Variants in ASB9 observed in about 807,000 individuals in gnomAD.
ASB9 encodes the protein ankyrin repeat and SOCS box protein 9.
Under a neutral mutation model 16.6 loss-of-function variants are expected in ASB9, and 5 were observed. The ratio of observed to expected loss-of-function variants is 0.30; its 90% confidence interval spans 0.16 to 0.63. The LOEUF is 0.63. Among genes scored for constraint, ASB9 ranks in the 30% least tolerant of loss-of-function variants. ASB9 has a pLI of 0.82. For missense variants in ASB9, 216 were observed against 229.4 expected, an observed-to-expected ratio of 0.94 and a Z score of 0.38; for synonymous variants, 100 against 86.4, an observed-to-expected ratio of 1.16 and a Z score of -0.87.
chrX:15,256,844 T>C (rs1925613115), intron 2 of ASB9, among the ~76,000 whole-genome samples: 1 of 108,481 alleles, frequency 9.2e-6, no homozygotes. Context: ...AAAGAATATG[T>C]CATTTCTTAC....
intron 6 of ASB9, among the ~76,000 whole-genome samples, chrX:15,247,445 A>C (rs1158459740): frequency 8.9e-6 from 1 of 111,931 alleles, no homozygotes; most frequent in Non-Finnish European, 1.9e-5. Flanking sequence ...TGTTTGATGG[A>C]GGAGGGGACA....
chrX:15,259,447 A>G (rs760382303), intron 1 of ASB9, among the ~76,000 whole-genome samples: 2 of 112,960 alleles, frequency 1.8e-5, no homozygotes, highest in South Asian at 7.2e-4. Context: ...ATCTATTTAT[A>G]GATTATCTCC....
chrX:15,269,462 C>T (rs1444423190), intron 1 of ASB9, among the ~76,000 whole-genome samples: 1 of 112,087 alleles, frequency 8.9e-6, no homozygotes, highest in Non-Finnish European at 1.9e-5. Context: ...TAAAAATTTT[C>T]CTATTTATAA....
chrX:15,248,646 T>C, intron 6 of ASB9, 98 bp downstream of exon 6: 1 of 1,118,476 alleles, frequency 8.9e-7, no homozygotes, highest in Non-Finnish European at 1.2e-6. Flanking sequence ...AATGATCTTT[T>C]TATAGGAATG....
In ASB9 at chrX:15,248,778, CTCTGG is replaced by C; in HGVS notation, c.721_725del (p.Pro241GlufsTer23). ...CCAAGAAGAGCTGGGCCAAGGGGCT[CTCTGG>C]AGGCACCAGCTCCACAGGACGTTTG... On this transcript the variant is annotated frameshift_variant, in exon 6 of 7. Coordinates refer to ENST00000380488, the MANE Select transcript of ASB9 (RefSeq NM_001031739.3). LOFTEE classifies it low-confidence loss of function (END_TRUNC). The C allele has an allele frequency of 8.3e-7, 1 of 1,211,281 alleles. No individual in the cohort carries two copies. Among genetic ancestry groups the C allele is most frequent in the Non-Finnish European group, 1.1e-6 (1 of 895,159 alleles).
chrX:15,259,006 C>A, intron 1 of ASB9, 61 bp from the exon 2 acceptor site: 1 of 927,873 alleles, frequency 1.1e-6, no homozygotes. Flanking sequence ...AGAGGCTTAT[C>A]CTTGCCCATC....
At chrX:15,256,928 C>T (rs1216322386) in intron 2 of ASB9, among the ~76,000 whole-genome samples, 2 of 111,022 alleles carry the variant, frequency 1.8e-5, no homozygotes, top group Non-Finnish European at 3.8e-5. Flanking sequence ...AGTCATCACA[C>T]TTATAGAAAG....
chrX:15,251,310 G>A (rs1416007417), intron 4 of ASB9, among the ~76,000 whole-genome samples: 1 of 111,604 alleles, frequency 9.0e-6, no homozygotes, highest in Non-Finnish European at 1.9e-5. Flanking sequence ...AGGCAGGCCC[G>A]GGAGGAACAG....
At chrX:15,254,634 A>G in intron 3 of ASB9, 103 bp downstream of exon 3, 1 of 615,781 alleles carries the variant, frequency 1.6e-6, no homozygotes, top group African/African-American at 2.2e-5. Flanking sequence ...CTGTCTTCAT[A>G]TTTCAAATCA....
At chrX:15,268,676 C>T (rs752479673) in intron 1 of ASB9, among the ~76,000 whole-genome samples, 1 of 107,344 alleles carries the variant, frequency 9.3e-6, no homozygotes, top group East Asian at 3.0e-4. Context: ...CCTCGGCCTC[C>T]GAAAGTACTG....
At chrX:15,250,297 A>G (rs1401532140) in intron 5 of ASB9, 133 bp downstream of exon 5, 1 of 677,310 alleles carries the variant, frequency 1.5e-6, no homozygotes, top group Admixed American at 3.7e-5. Context: ...AAGGGAACAC[A>G]GTCAATATGA....
chrX:15,268,231 C>G (rs1356740044), intron 1 of ASB9, among the ~76,000 whole-genome samples: 2 of 106,485 alleles, frequency 1.9e-5, no homozygotes, highest in African/African-American at 6.8e-5. Context: ...ACTCGGGAGG[C>G]TGAGGCAGGA....
chrX:15,252,073 A>G (rs59840312), intron 4 of ASB9, among the ~76,000 whole-genome samples, 181 bp downstream of exon 4: 3,068 of 112,590 alleles, frequency 0.027, 119 homozygotes, highest in African/African-American at 0.093. Flanking sequence ...TACTGATTCA[A>G]TGGGGCTGGA....
chrX:15,259,497 T>C (rs1925811162), intron 1 of ASB9, among the ~76,000 whole-genome samples: 1 of 113,039 alleles, frequency 8.8e-6, no homozygotes, highest in Admixed American at 9.3e-5. Context: ...CAGTCTCACC[T>C]TGAAACAGGG....
chrX:15,245,618 G>A (rs1924596666), intron 6 of ASB9, among the ~76,000 whole-genome samples: 1 of 111,568 alleles, frequency 9.0e-6, no homozygotes, highest in Middle Eastern at 4.2e-3. Flanking sequence ...CCTGGGGTGG[G>A]GGTACATTCA....
chrX:15,248,691 A>G (rs916615981), intron 6 of ASB9, 53 bp downstream of exon 6: 1 of 1,149,465 alleles, frequency 8.7e-7, no homozygotes, highest in Non-Finnish European at 1.2e-6. Context: ...GCCTTCTACT[A>G]GAGCCCCAAG....
chrX:15,257,048 A>G (rs774503539), intron 2 of ASB9, among the ~76,000 whole-genome samples: 2 of 111,118 alleles, frequency 1.8e-5, no homozygotes, highest in Non-Finnish European at 1.9e-5. Context: ...GAACTTGGGC[A>G]AAAGGCAACC....
At chrX:15,251,888 C>T (rs1256310034) in intron 4 of ASB9, among the ~76,000 whole-genome samples, 1 of 112,583 alleles carries the variant, frequency 8.9e-6, no homozygotes, top group Non-Finnish European at 1.9e-5. Context: ...GGTATAACAA[C>T]GGATTCCACA....
Position 15,244,388 on chromosome X carries a change from C to T in ASB9, c.*118G>A. ...TCCATAAACAAGTTTATAACAAATA[C>T]AAATCTAATCGAAAAAACTAGTCAA... is the stretch of plus-strand genomic sequence containing the variant. On this transcript the variant is annotated 3_prime_UTR_variant, in exon 7 of 7. Coordinates refer to ENST00000380488, the MANE Select transcript of ASB9 (RefSeq NM_001031739.3). The T allele has an allele frequency of 2.3e-6, 2 of 868,749 alleles. No individual in the cohort carries two copies. Among genetic ancestry groups the T allele is most frequent in the Non-Finnish European group, 3.2e-6 (2 of 621,858 alleles). 71.6% of individuals were successfully genotyped at this position (868,749 alleles called of 1,213,427 possible).
Sources: gnomAD v4.1 joint callset for allele counts (sites outside exome capture counted in the v4.1 genomes callset) on GRCh38, gnomAD v4.1.1 for gene constraint, MANE v1.5 for transcripts, NCBI Gene and HGNC (gene_info 2026-07-23, HGNC 2026-07-21) for gene names.